Variants in CYP2C19 observed in about 807,000 individuals in gnomAD.
The protein encoded by CYP2C19 is cytochrome P450 2C19.
CYP2C19 carries 59 observed loss-of-function variants against 40.9 expected under a neutral mutation model. That is an observed-to-expected ratio of 1.44 (90% CI 1.17 to 1.79). The LOEUF is 1.79. Ranked by LOEUF, CYP2C19 falls within the 40% of genes most tolerant of loss-of-function variation. The pLI is 0.00. For missense variants in CYP2C19, 754 were observed against 596.9 expected, an observed-to-expected ratio of 1.26 and a Z score of -2.74; for synonymous variants, 253 against 208.7, an observed-to-expected ratio of 1.21 and a Z score of -1.83.
chr10:94,845,548 A>G (rs1849560815), intron 7 of CYP2C19, among the ~76,000 whole-genome samples: 1 of 152,194 alleles, frequency 6.6e-6, no homozygotes, highest in African/African-American at 2.4e-5. Context: ...AATATTTGTC[A>G]GCACAAGATT....
At chr10:94,836,817 G>T (rs1036085891) in intron 6 of CYP2C19, among the ~76,000 whole-genome samples, 1 of 152,206 alleles carries the variant, frequency 6.6e-6, no homozygotes, top group Non-Finnish European at 1.5e-5. Context: ...TGGGTGGCTT[G>T]ATGGCACAAG....
intron 7 of CYP2C19, 75 bp downstream of exon 7, chr10:94,843,099 A>G (rs1849521201): frequency 1.3e-6 from 2 of 1,553,534 alleles, no homozygotes; most frequent in Middle Eastern, 1.7e-4. Context: ...CTTACCCTCT[A>G]CCATCACTGG....
chr10:94,851,005 T>C (rs1476805995), intron 8 of CYP2C19, among the ~76,000 whole-genome samples: 9 of 152,180 alleles, frequency 5.9e-5, no homozygotes, highest in African/African-American at 2.2e-4. Context: ...GCACTGTAGA[T>C]ACCAAGATAA....
Position 94,784,606 on chromosome 10 carries a change from ATTAT to A in CYP2C19, c.819+2632_819+2635del, listed in dbSNP as rs576229059. On this transcript the variant is annotated intron_variant, in intron 5 of 8. Coordinates refer to ENST00000371321, the MANE Select transcript of CYP2C19 (RefSeq NM_000769.4). ...CCTAGTGAATGTAAAGTGGTATCTC[ATTAT>A]TTATTTATTTATTTATTTATTTTGA... 2.3e-3 allele frequency among the ~76,000 whole-genome samples: 346 copies of A among 151,718 alleles called. 1 individual carries two copies. Among genetic ancestry groups the A allele is most frequent in the African/African-American group, 7.2e-3 (299 of 41,418 alleles).
At chr10:94,801,398 C>T (rs1343297929) in intron 5 of CYP2C19, among the ~76,000 whole-genome samples, 1 of 152,152 alleles carries the variant, frequency 6.6e-6, no homozygotes, top group Non-Finnish European at 1.5e-5. Context: ...TGTCATCATG[C>T]AGTTTTGAGT....
intron 5 of CYP2C19, among the ~76,000 whole-genome samples, chr10:94,814,498 C>A (rs112082007): frequency 2.0e-5 from 3 of 150,656 alleles, no homozygotes; most frequent in African/African-American, 4.9e-5. Flanking sequence ...GTGCAGGTGA[C>A]GAAGAGTGGG....
At chr10:94,796,786 G>T (rs940584623) in intron 5 of CYP2C19, among the ~76,000 whole-genome samples, 3 of 151,822 alleles carry the variant, frequency 2.0e-5, no homozygotes, top group Admixed American at 2.0e-4. Flanking sequence ...TCATGTTTTG[G>T]CTCTCTGTCT....
Position 94,842,936 on chromosome 10 carries a change from A to C in CYP2C19, c.1061A>C (p.Glu354Ala), listed in dbSNP as rs911138914. ...CCCTACACAGATGCTGTGGTGCACGAGGTCCAGAGATACATCGACCTCATC... is the reference window on the plus strand; with the variant it reads ...CCCTACACAGATGCTGTGGTGCACGCGGTCCAGAGATACATCGACCTCATC... ...HMPYTDAVVH[E>A]VQRYIDLIPT... Residue 354 changes from glutamate to alanine, a missense_variant, in exon 7 of 9, where the codon GAG (glutamate) becomes GCG (alanine). Glu to Ala is a moderately radical substitution (Grantham distance 107). Coordinates refer to ENST00000371321, the MANE Select transcript of CYP2C19 (RefSeq NM_000769.4). The C allele has an allele frequency of 6.2e-7, 1 of 1,614,090 alleles. No homozygotes were observed. The highest frequency in any genetic ancestry group is 8.5e-7 in the Non-Finnish European group (1 of 1,180,046).
intron 5 of CYP2C19, among the ~76,000 whole-genome samples, chr10:94,788,190 T>A (rs1364393363): frequency 6.6e-6 from 1 of 151,920 alleles, no homozygotes; most frequent in Non-Finnish European, 1.5e-5. Flanking sequence ...ACATTTTTGA[T>A]GTATACAAAT....
At position 94,825,814 on chromosome 10, in the gene CYP2C19, C is replaced by T. The variant is rs1409395279; in HGVS notation, c.961+5177C>T. ...AGGTCTAACGTTTAAGTCTTTAATC[C>T]ATCTTGAATTGATTTTTGTATAAGG... On this transcript the variant is annotated intron_variant, in intron 6 of 8. Coordinates refer to ENST00000371321, the MANE Select transcript of CYP2C19 (RefSeq NM_000769.4). Among the ~76,000 whole-genome samples, 42 of 141,742 alleles carry T rather than the reference C, an allele frequency of 3.0e-4. No homozygotes were observed. The East Asian group carries it at 6.4e-3, about 21-fold the overall frequency. The allele number at this position is 141,742 out of a possible 152,430, so 93.0% of individuals were successfully genotyped here.
At chr10:94,793,146 C>T (rs756285425) in intron 5 of CYP2C19, among the ~76,000 whole-genome samples, 12 of 152,218 alleles carry the variant, frequency 7.9e-5, no homozygotes, top group Admixed American at 2.0e-4. Context: ...TAGATTGAAT[C>T]GGCTACTGAA....
At chr10:94,781,179 G>A (rs1489457469) in intron 4 of CYP2C19, among the ~76,000 whole-genome samples, 1 of 152,174 alleles carries the variant, frequency 6.6e-6, no homozygotes, top group Non-Finnish European at 1.5e-5. Flanking sequence ...TGATGAGACA[G>A]CTGGTTAGGA....
chr10:94,781,777 T>C, intron 4 of CYP2C19, 44 bp from the exon 5 acceptor site: 1 of 1,096,732 alleles, frequency 9.1e-7, no homozygotes. Flanking sequence ...TATCTATACC[T>C]TTATTAAATG....
At chr10:94,790,830 C>CT (rs944336008) in intron 5 of CYP2C19, among the ~76,000 whole-genome samples, 5 of 152,026 alleles carry the variant, frequency 3.3e-5, no homozygotes, top group Admixed American at 6.6e-5. Context: ...CTAAAATTCT[C>CT]TTTTTTTGTG....
chr10:94,824,222 T>C (rs2134271481), intron 6 of CYP2C19, among the ~76,000 whole-genome samples: 1 of 152,304 alleles, frequency 6.6e-6, no homozygotes, highest in South Asian at 2.1e-4. Flanking sequence ...AAAATTGTCA[T>C]CTAAATATAT....
At chr10:94,793,473 A>G (rs542459594) in intron 5 of CYP2C19, among the ~76,000 whole-genome samples, 14 of 151,792 alleles carry the variant, frequency 9.2e-5, no homozygotes, top group Admixed American at 1.3e-4. Flanking sequence ...TGCTCTCGTT[A>G]CTCCCATCTT....
intron 5 of CYP2C19, among the ~76,000 whole-genome samples, chr10:94,794,000 G>T (rs1053989610): frequency 6.6e-6 from 1 of 152,108 alleles, no homozygotes; most frequent in Admixed American, 6.6e-5. Flanking sequence ...AGGTGCGGTG[G>T]TCTCCACCCA....
At chr10:94,810,096 G>A (rs895259428) in intron 5 of CYP2C19, among the ~76,000 whole-genome samples, 2 of 152,076 alleles carry the variant, frequency 1.3e-5, no homozygotes, top group Non-Finnish European at 2.9e-5. Context: ...TGGCCAGGCT[G>A]GTCTCAAACT....
chr10:94,827,714 T>A (rs1009309128), intron 6 of CYP2C19, among the ~76,000 whole-genome samples: 1 of 152,206 alleles, frequency 6.6e-6, no homozygotes, highest in African/African-American at 2.4e-5. Context: ...AGCATTTGAA[T>A]GTGTTTGCTC....
Sources: allele counts gnomAD v4.1 joint callset (sites outside exome capture counted in the v4.1 genomes callset), GRCh38; gene constraint gnomAD v4.1.1; transcripts MANE v1.5; gene names NCBI Gene and HGNC (gene_info 2026-07-23, HGNC 2026-07-21).